The following TMEM184B variants were observed in gnomAD, a reference collection of about 807,000 sequenced individuals.
The protein encoded by TMEM184B is transmembrane protein 184B.
TMEM184B carries 17 observed loss-of-function variants against 41.8 expected under a neutral mutation model. The observed-to-expected ratio is 0.41, with a 90% CI of 0.28 to 0.61. The LOEUF is 0.61. TMEM184B is among the 20% of genes least tolerant of loss of function. TMEM184B has a pLI of 0.34. For synonymous variants in TMEM184B, 240 were observed against 229.5 expected (o/e 1.05, Z -0.41); for missense variants, 393 against 557.8 (o/e 0.70, Z 2.98).
In TMEM184B at chr22:38,235,662, C is replaced by T. The variant is rs558164131; in HGVS notation, c.359-4328G>A. The stretch of plus-strand genomic sequence containing the variant: ...GAAGATGAGACAGAATCTCCTCAGA[C>T]GTGACGCAACCGGCCCAAGCCTGGC... On this transcript the variant is annotated intron_variant, in intron 3 of 8. Coordinates refer to ENST00000361906, the MANE Select transcript of TMEM184B (RefSeq NM_012264.5). Among the ~76,000 whole-genome samples the T allele has an allele frequency of 7.2e-5, 11 of 152,306 alleles. No individual in the cohort carries two copies. In the East Asian group the frequency reaches 1.7e-3, roughly 24 times the overall value.
chr22:38,264,865 C>T (rs135715), intron 1 of TMEM184B, among the ~76,000 whole-genome samples: 50,062 of 152,036 alleles, frequency 0.33, 8,962 homozygotes, highest in Middle Eastern at 0.49. Flanking sequence ...CCTTGTCAAC[C>T]TCATCTCCCA....
chr22:38,230,834 T>A, intron 4 of TMEM184B, 90 bp from the exon 5 acceptor site: 2 of 1,244,598 alleles, frequency 1.6e-6, no homozygotes, highest in Non-Finnish European at 2.3e-6. Context: ...CTCCCACCCA[T>A]CCAGACGAGC....
At chr22:38,257,527 C>T (rs904792457) in intron 1 of TMEM184B, among the ~76,000 whole-genome samples, 5 of 152,154 alleles carry the variant, frequency 3.3e-5, no homozygotes, top group Admixed American at 6.6e-5. Context: ...GAACGTGAAG[C>T]CAGCCAGACC....
At chr22:38,244,708 G>A (rs751704312) in intron 3 of TMEM184B, among the ~76,000 whole-genome samples, 3 of 152,146 alleles carry the variant, frequency 2.0e-5, no homozygotes, top group Non-Finnish European at 2.9e-5. Flanking sequence ...TGCCCGCCTC[G>A]GCCTCCCAAA....
At chr22:38,250,580 G>A (rs1258312456) in intron 1 of TMEM184B, among the ~76,000 whole-genome samples, 3 of 152,252 alleles carry the variant, frequency 2.0e-5, no homozygotes, top group Non-Finnish European at 1.5e-5. Context: ...GACTGGGGTT[G>A]TAAATCATCA....
chr22:38,248,765 C>T (rs752381729), intron 1 of TMEM184B, among the ~76,000 whole-genome samples: 3 of 152,318 alleles, frequency 2.0e-5, no homozygotes, highest in South Asian at 2.1e-4. Context: ...AACAGAAATT[C>T]GGGAGCTTCC....
rs1054235974 is a variant in TMEM184B, at chr22:38,221,633, T to C, written c.1060A>G (p.Ile354Val). 1 of 1,614,110 alleles carries C rather than the reference T, an allele frequency of 6.2e-7. No individual in the cohort carries two copies. Among genetic ancestry groups the C allele is most frequent in the Non-Finnish European group, 8.5e-7 (1 of 1,179,992 alleles). ...MNPHDIVQDA[I>V]HNFSPAYQQY... ...TGGTAGGCAGGTGAGAAGTTGTGGA[T>C]GGCGTCCTGCACGATGTCGTGCGGG... Residue 354 changes from isoleucine (I) to valine (V), a missense_variant, in exon 9 of 9, where the codon ATC becomes GTC. Ile to Val is a conservative substitution (Grantham distance 29). Around this residue, in one of 2 missense-constraint regions of TMEM184B, gnomAD observed 271 missense variants for 434.1 expected, o/e 0.62. Transcript: ENST00000361906.
chr22:38,221,460 A>G lies in TMEM184B; in HGVS notation c.*9T>C, dbSNP rs1365553223. 12 of 1,592,756 alleles carry G rather than the reference A, an allele frequency of 7.5e-6. No individual in the cohort carries two copies. In the East Asian group the frequency reaches 2.2e-4, roughly 30 times the overall value. On this transcript the variant is annotated 3_prime_UTR_variant, in exon 9 of 9. Coordinates refer to ENST00000361906, the MANE Select transcript of TMEM184B (RefSeq NM_012264.5). ...ATGGCGCCAGCACTTCCGCCACTGC[A>G]GCCCGCACCTAGAATTCATCATCAG... is the stretch of plus-strand genomic sequence containing the variant.
At chr22:38,254,283 A>G (rs1266743303) in intron 1 of TMEM184B, among the ~76,000 whole-genome samples, 8 of 151,996 alleles carry the variant, frequency 5.3e-5, no homozygotes, top group Non-Finnish European at 8.8e-5. Flanking sequence ...ACATGAACAG[A>G]TATCTCAGTA....
At chr22:38,251,940 G>C (rs2145719710) in intron 1 of TMEM184B, among the ~76,000 whole-genome samples, 1 of 150,504 alleles carries the variant, frequency 6.6e-6, no homozygotes, top group African/African-American at 2.5e-5. Flanking sequence ...TGTTGCTCAG[G>C]CTGCAGTGCA....
At chr22:38,234,078 A>C (rs909539656) in intron 3 of TMEM184B, among the ~76,000 whole-genome samples, 1 of 468 alleles carries the variant, frequency 2.1e-3, no homozygotes. Context: ...CGACGGTTGC[A>C]TTTTCTAGAC....
intron 1 of TMEM184B, chr22:38,272,393 C>A: frequency 1.2e-6 from 1 of 823,580 alleles, no homozygotes; most frequent in Non-Finnish European, 1.5e-6. Flanking sequence ...ACCTGTGTGG[C>A]GGGCGTGTAC....
chr22:38,218,461 A>G (rs1221070606), downstream of TMEM184B, among the ~76,000 whole-genome samples: 1 of 152,046 alleles, frequency 6.6e-6, no homozygotes, highest in Non-Finnish European at 1.5e-5. Flanking sequence ...AGGTTTTAAC[A>G]CTCCGAACAC....
chr22:38,248,053 C>T, intron 1 of TMEM184B, 34 bp from the exon 2 acceptor site: 1 of 1,472,336 alleles, frequency 6.8e-7, no homozygotes, highest in South Asian at 1.4e-5. Context: ...GAGTCTCCTC[C>T]CAGGGCAAGT....
chr22:38,233,168 T>C (rs1347560501), intron 3 of TMEM184B, among the ~76,000 whole-genome samples: 1 of 152,222 alleles, frequency 6.6e-6, no homozygotes, highest in Non-Finnish European at 1.5e-5. Context: ...ATTTGCGGCA[T>C]TTTATGCTAC....
intron 8 of TMEM184B, chr22:38,223,980 A>AGG (rs2091343736): frequency 6.6e-6 from 1 of 152,278 alleles, no homozygotes; most frequent in African/African-American, 2.4e-5. Context: ...CACTTCCAAA[A>AGG]GCTCTCCAGG....
chr22:38,267,723 G>A (rs536841054), intron 1 of TMEM184B, among the ~76,000 whole-genome samples: 109 of 152,092 alleles, frequency 7.2e-4, no homozygotes, highest in African/African-American at 2.4e-3. Context: ...GTGAGCCACC[G>A]CACCTAGCCA....
intron 5 of TMEM184B, among the ~76,000 whole-genome samples, chr22:38,229,398 A>C (rs135706): frequency 0.99 from 150,664 of 152,354 alleles, 74,504 homozygotes; most frequent in East Asian, 1. Flanking sequence ...AACCATCTCT[A>C]GAGAGGAGTA....
In TMEM184B at chr22:38,221,631, G is replaced by A; in HGVS notation, c.1062C>T (p.Ile354=). The change falls in exon 9 of 9, where the codon ATC becomes ATT. Residue 354 remains isoleucine (I), a synonymous_variant. Transcript: ENST00000361906. ...MNPHDIVQDA[I]HNFSPAYQQY... ...GCTGGTAGGCAGGTGAGAAGTTGTG[G>A]ATGGCGTCCTGCACGATGTCGTGCG... is the stretch of plus-strand genomic sequence containing the variant. The A allele has an allele frequency of 1.2e-6, 2 of 1,614,146 alleles. No individual in the cohort carries two copies. Among genetic ancestry groups the A allele is most frequent in the South Asian group, 2.2e-5 (2 of 91,086 alleles).
Sources: gnomAD v4.1 joint callset for allele counts (sites outside exome capture counted in the v4.1 genomes callset) on GRCh38, gnomAD v4.1.1 for gene constraint, gnomAD v4.1.1 regional missense constraint, MANE v1.5 for transcripts, NCBI Gene and HGNC (gene_info 2026-07-23, HGNC 2026-07-21) for gene names.